PWWP3B: variants seen among roughly 807,000 people sequenced by gnomAD.
PWWP3B encodes PWWP domain containing 3B, also known as PWWP domain-containing DNA repair factor 3B.
In PWWP3B, 5 loss-of-function variants were observed where a neutral mutation model predicts 15.7. The observed-to-expected ratio is 0.32, with a 90% CI of 0.17 to 0.67. The LOEUF (loss-of-function observed/expected upper bound fraction) is 0.67, where lower values mean the gene tolerates loss of function less well. PWWP3B is among the 30% of genes least tolerant of loss of function. PWWP3B has a pLI of 0.74. For missense variants in PWWP3B, 519 were observed against 493.1 expected, an observed-to-expected ratio of 1.05 and a Z score of -0.50; for synonymous variants, 203 against 179.8, an observed-to-expected ratio of 1.13 and a Z score of -1.03.
chrX:106,191,952 T>A (rs1252190334), intron 2 of PWWP3B, among the ~76,000 whole-genome samples: 7 of 111,714 alleles, frequency 6.3e-5, no homozygotes, highest in Non-Finnish European at 1.3e-4. Flanking sequence ...CCAGTATTTT[T>A]TTGAGGATTT....
rs1054277441 is a variant in PWWP3B at position 106,204,625 on chromosome X, G to C, written c.-215+455G>C. 3.6e-5 allele frequency among the ~76,000 whole-genome samples: 4 copies of C among 112,085 alleles called. No homozygotes were observed. The East Asian group carries it at 1.1e-3, about 31-fold the overall frequency. ...GATACAGACCCTATTGTCTTTGTCTGCCTGCTCCAGGTGAACAGTGGAGCA... is the reference window on the plus strand; with the variant it reads ...GATACAGACCCTATTGTCTTTGTCTCCCTGCTCCAGGTGAACAGTGGAGCA... On this transcript the variant is annotated intron_variant, in intron 3 of 3. Coordinates refer to ENST00000357175, the MANE Select transcript of PWWP3B (RefSeq NM_001171020.2).
chrX:106,206,211 A>T lies in PWWP3B; in HGVS notation c.779A>T (p.Asp260Val). The change falls in exon 4 of 4, where the codon GAT becomes GTT. Residue 260 changes from aspartate (D) to valine (V), a missense_variant. Physicochemically the swap from Asp to Val is radical, Grantham distance 152. Coordinates refer to ENST00000357175, the MANE Select transcript of PWWP3B (RefSeq NM_001171020.2). The part of the protein sequence containing the change: ...MPKALKEESE[D>V]TCLETLAVPS... ...AAAGCTTTGAAAGAAGAGAGCGAGGATACCTGCCTAGAGACCCTGGCTGTT... is the reference window on the plus strand; with the variant it reads ...AAAGCTTTGAAAGAAGAGAGCGAGGTTACCTGCCTAGAGACCCTGGCTGTT... The T allele has an allele frequency of 8.3e-7, 1 of 1,205,528 alleles. No homozygotes were observed. The highest frequency in any genetic ancestry group is 1.8e-5 in the South Asian group (1 of 55,948).
intron 2 of PWWP3B, among the ~76,000 whole-genome samples, chrX:106,200,798 C>T (rs1923654339): frequency 9.0e-6 from 1 of 111,542 alleles, no homozygotes; most frequent in Non-Finnish European, 1.9e-5. Context: ...CCTGTAATCC[C>T]AGCACTTTGG....
intron 2 of PWWP3B, among the ~76,000 whole-genome samples, chrX:106,195,385 T>C (rs953267788): frequency 1.8e-5 from 2 of 111,918 alleles, no homozygotes; most frequent in African/African-American, 6.5e-5. Context: ...GGTCCATGCT[T>C]TTTAAATCCT....
intron 2 of PWWP3B, among the ~76,000 whole-genome samples, chrX:106,191,941 G>A (rs867826035): frequency 9.9e-5 from 11 of 111,593 alleles, no homozygotes; most frequent in African/African-American, 3.3e-4. Context: ...GATCCGATTT[G>A]CCAGTATTTT....
intron 2 of PWWP3B, among the ~76,000 whole-genome samples, chrX:106,177,723 A>C (rs180753959): frequency 1.9e-3 from 212 of 112,446 alleles, no homozygotes; most frequent in African/African-American, 6.7e-3. Context: ...AGAAAAATGT[A>C]AACACACAAA....
intron 2 of PWWP3B, among the ~76,000 whole-genome samples, chrX:106,185,295 G>T (rs1221389098): frequency 9.0e-6 from 1 of 111,357 alleles, no homozygotes; most frequent in East Asian, 2.9e-4. Flanking sequence ...GTTGATACCT[G>T]AGTGTTTCCC....
Position 106,168,353 on chromosome X carries a change from G to A in PWWP3B, c.-601G>A, listed in dbSNP as rs1921440866. The A allele has an allele frequency of 8.9e-6, 1 of 111,781 alleles. No individual in the cohort carries two copies. The highest frequency in any genetic ancestry group is 3.7e-4 in the South Asian group (1 of 2,669). 9.2% of individuals were successfully genotyped at this position (111,781 alleles called of 1,213,427 possible). On this transcript the variant is annotated 5_prime_UTR_variant, in exon 1 of 4. Transcript: ENST00000357175. ...ACACACAGGCTTCGGAGGCTTCCGT[G>A]GAGAAGCTTGGAGGTAATGGCTGTC... is the stretch of plus-strand genomic sequence containing the variant.
chrX:106,199,771 TAGG>T (rs1923591815), intron 2 of PWWP3B, among the ~76,000 whole-genome samples: 1 of 111,377 alleles, frequency 9.0e-6, no homozygotes, highest in Non-Finnish European at 1.9e-5. Flanking sequence ...GACAATATTT[TAGG>T]AGATTAAACT....
At chrX:106,180,150 A>C (rs978819371) in intron 2 of PWWP3B, among the ~76,000 whole-genome samples, 1 of 111,299 alleles carries the variant, frequency 9.0e-6, no homozygotes, top group Non-Finnish European at 1.9e-5. Flanking sequence ...GAAGAGTCTA[A>C]AAAGAATTCC....
chrX:106,183,023 G>A (rs1405231411), intron 2 of PWWP3B, among the ~76,000 whole-genome samples: 1 of 110,878 alleles, frequency 9.0e-6, no homozygotes. Context: ...TGAGCTGACG[G>A]TCCTGCAGGT....
rs777919329 is a variant in PWWP3B, at chrX:106,205,553, A to G, written c.121A>G (p.Ile41Val). 7 of 1,205,412 alleles carry G rather than the reference A, an allele frequency of 5.8e-6. No individual in the cohort carries two copies. The South Asian group carries it at 9.0e-5, about 15-fold the overall frequency. Residue 41 changes from isoleucine (I) to valine (V), a missense_variant, in exon 4 of 4, where the codon ATA becomes GTA. By Grantham distance (29) the Ile-to-Val change is conservative. Coordinates refer to ENST00000357175, the MANE Select transcript of PWWP3B (RefSeq NM_001171020.2). ...RKKAFSLEVQ[I>V]LSLDEKIKLD... is the part of the protein sequence containing the mutation. Reference sequence around the variant, plus strand: ...AAAGGCATTTTCTCTAGAAGTTCAAATACTCTCACTAGATGAAAAAATTAA... The same window carrying G: ...AAAGGCATTTTCTCTAGAAGTTCAAGTACTCTCACTAGATGAAAAAATTAA...
rs1041238188 is a variant in PWWP3B at position 106,207,701 on chromosome X, C to A, written c.*178C>A. 2.4e-6 allele frequency: 1 copy of A among 408,248 alleles called. No homozygotes were observed. The highest frequency in any genetic ancestry group is 4.3e-5 in the East Asian group (1 of 23,524). 33.6% of individuals were successfully genotyped at this position (408,248 alleles called of 1,213,427 possible). A position where few individuals can be genotyped will look rare whatever the true frequency, so the allele number is the denominator to read the frequency against. On this transcript the variant is annotated 3_prime_UTR_variant, in exon 4 of 4. Transcript: ENST00000357175. ...ATTACATCTTTATTTCCTTTTCTTGCGCTTCTTCAAAGTTAATTTTGTCAA... is the reference window on the plus strand; with the variant it reads ...ATTACATCTTTATTTCCTTTTCTTGAGCTTCTTCAAAGTTAATTTTGTCAA...
rs1430618511 is a variant in PWWP3B at position 106,207,341 on chromosome X, C to T, written c.1909C>T (p.Leu637=). 1.7e-6 allele frequency: 2 copies of T among 1,193,056 alleles called. No homozygotes were observed. Among genetic ancestry groups the T allele is most frequent in the African/African-American group, 3.5e-5 (2 of 56,937 alleles). Residue 637 remains leucine (L), a synonymous_variant, in exon 4 of 4, where the codon CTA becomes TTA. Coordinates refer to ENST00000357175, the MANE Select transcript of PWWP3B (RefSeq NM_001171020.2). ...WIKDDKIKFI[L]EVLLPEAIIC... The stretch of plus-strand genomic sequence containing the variant: ...AAAAGATGATAAAATTAAATTTATC[C>T]TAGAAGTTCTTCTGCCAGAAGCAAT...
At chrX:106,194,826 G>A (rs1923272452) in intron 2 of PWWP3B, among the ~76,000 whole-genome samples, 1 of 111,859 alleles carries the variant, frequency 8.9e-6, no homozygotes, top group Non-Finnish European at 1.9e-5. Flanking sequence ...TGTTTGCCTG[G>A]GTATCAGCAG....
intron 2 of PWWP3B, among the ~76,000 whole-genome samples, chrX:106,177,929 A>C (rs148833271): frequency 8.9e-6 from 1 of 111,924 alleles, no homozygotes; most frequent in South Asian, 3.7e-4. Context: ...TTTAAAATCT[A>C]TTTTTCACTA....
intron 2 of PWWP3B, among the ~76,000 whole-genome samples, chrX:106,177,766 T>C (rs1226848136): frequency 1.8e-5 from 2 of 112,139 alleles, no homozygotes; most frequent in African/African-American, 6.5e-5. Context: ...AATATAAATG[T>C]ACATGAACAT....
At position 106,186,644 on chromosome X, in the gene PWWP3B, A is replaced by G. The variant is rs1240558321; in HGVS notation, c.-401+15505A>G. Among the ~76,000 whole-genome samples the G allele has an allele frequency of 2.7e-5, 3 of 110,685 alleles. No individual in the cohort carries two copies. The East Asian group carries it at 8.6e-4, about 32-fold the overall frequency. Reference sequence around the variant, plus strand: ...AATGAAGCCACGGGCCTTCATGGTGAGTGTTACAGCTCTTAAAGGTGGCAC... The same window carrying G: ...AATGAAGCCACGGGCCTTCATGGTGGGTGTTACAGCTCTTAAAGGTGGCAC... On this transcript the variant is annotated intron_variant, in intron 2 of 3. Coordinates refer to ENST00000357175, the MANE Select transcript of PWWP3B (RefSeq NM_001171020.2).
intron 2 of PWWP3B, among the ~76,000 whole-genome samples, chrX:106,181,406 A>C (rs1472263541): frequency 9.0e-6 from 1 of 111,587 alleles, no homozygotes; most frequent in African/African-American, 3.3e-5. Context: ...GGTCCATTTT[A>C]CAGAGTGCTG....
Sources: gnomAD v4.1 joint callset for allele counts (sites outside exome capture counted in the v4.1 genomes callset) on GRCh38, gnomAD v4.1.1 for gene constraint, MANE v1.5 for transcripts, NCBI Gene and HGNC (gene_info 2026-07-23, HGNC 2026-07-21) for gene names.